The following SRGAP2 variants were observed in gnomAD, a reference collection of about 807,000 sequenced individuals.
SRGAP2 encodes SLIT-ROBO Rho GTPase activating protein 2, also known as SLIT-ROBO Rho GTPase-activating protein 2.
In SRGAP2, 15 loss-of-function variants were observed where a neutral mutation model predicts 57.2. The observed-to-expected ratio is 0.26, with a 90% CI of 0.18 to 0.40. The LOEUF (loss-of-function observed/expected upper bound fraction) is 0.40, where lower values mean the gene tolerates loss of function less well. Ranked by LOEUF, SRGAP2 falls within the 10% of genes least tolerant of loss-of-function variation. The pLI is 1.00. For synonymous variants in SRGAP2, 249 were observed against 248.0 expected (o/e 1.00, Z -0.04); for missense variants, 520 against 669.6 (o/e 0.78, Z 2.47).
chr1:206,232,081 C>T (rs1370576145), intron 2 of SRGAP2, among the ~76,000 whole-genome samples: 12 of 151,444 alleles, frequency 7.9e-5, no homozygotes. Context: ...GAAGAGTCCA[C>T]AGCTTCAGAA....
At chr1:206,440,555 T>C (rs79532710) in intron 17 of SRGAP2, among the ~76,000 whole-genome samples, 1 of 148,412 alleles carries the variant, frequency 6.7e-6, no homozygotes, top group African/African-American at 2.5e-5. Context: ...AAGATTTTCT[T>C]TTTTTTTTTT....
At position 206,286,307 on chromosome 1, in the gene SRGAP2, A is replaced by G. The variant is rs1440365587; in HGVS notation, c.68-16974A>G. 3.3e-5 allele frequency among the ~76,000 whole-genome samples: 5 copies of G among 152,210 alleles called. No homozygotes were observed. The East Asian group carries it at 9.6e-4, about 29-fold the overall frequency. On this transcript the variant is annotated intron_variant, in intron 2 of 22. Coordinates refer to ENST00000573034, the MANE Select transcript of SRGAP2 (RefSeq NM_015326.5). ...GACTAGATAATGCATCTCTCCTTTG[A>G]TTTTTGATGGGTTTCCTTTTTTAAT...
intron 4 of SRGAP2, among the ~76,000 whole-genome samples, chr1:206,354,992 A>G (rs1180452303): frequency 6.6e-6 from 1 of 152,186 alleles, no homozygotes; most frequent in Non-Finnish European, 1.5e-5. Flanking sequence ...TATTGTACAT[A>G]CTATTTTGTA....
chr1:206,303,886 TCTCACACACACA>T (rs1200726453), intron 3 of SRGAP2, among the ~76,000 whole-genome samples: 34 of 132,984 alleles, frequency 2.6e-4, no homozygotes, highest in African/African-American at 1.0e-3. Flanking sequence ...TCTCTCTCTC[TCTCACACACACA>T]CACACACACA....
chr1:206,421,141 A>T, intron 12 of SRGAP2, 109 bp from the exon 13 acceptor site: 1 of 579,218 alleles, frequency 1.7e-6, no homozygotes, highest in Non-Finnish European at 3.2e-6. Context: ...ATTATTAAAA[A>T]CTTTACTTCT....
chr1:206,332,715 T>C (rs1553332296), intron 3 of SRGAP2, among the ~76,000 whole-genome samples: 1 of 147,804 alleles, frequency 6.8e-6, no homozygotes, highest in Non-Finnish European at 1.5e-5. Context: ...TTCTTCTAAA[T>C]TTTTTTCAAA....
intron 4 of SRGAP2, among the ~76,000 whole-genome samples, chr1:206,370,266 A>T (rs1190583470): frequency 6.6e-6 from 1 of 151,300 alleles, no homozygotes; most frequent in Non-Finnish European, 1.5e-5. Context: ...ACTCCATCTC[A>T]AAATAAATAA....
intron 4 of SRGAP2, among the ~76,000 whole-genome samples, chr1:206,378,449 T>C (rs1490927691): frequency 9.9e-5 from 15 of 152,172 alleles, no homozygotes; most frequent in Non-Finnish European, 1.5e-4. Flanking sequence ...ATCAGGCCAC[T>C]GCATTCTAGC....
Position 206,461,180 on chromosome 1 carries a change from C to T in SRGAP2, c.2976C>T (p.Pro992=), listed in dbSNP as rs369820346. 73 of 780,526 alleles carry T rather than the reference C, an allele frequency of 9.4e-5. No homozygotes were observed. Among genetic ancestry groups the T allele is most frequent in the Non-Finnish European group, 1.4e-4 (58 of 417,882 alleles). 48.4% of individuals were successfully genotyped at this position (780,526 alleles called of 1,614,324 possible). ...CAGTGGTGGCCCCCACGTCAGAGCC[C>T]TCCAGCCCTCTGCACACCCAGCTCC... ...TSPVVAPTSE[P]SSPLHTQLLK... Residue 992 remains proline, a synonymous_variant, in exon 23 of 23, where the codon CCC becomes CCT. Transcript: ENST00000573034.
chr1:206,354,782 T>C (rs1476970723), intron 4 of SRGAP2, among the ~76,000 whole-genome samples: 4 of 130,430 alleles, frequency 3.1e-5, no homozygotes, highest in East Asian at 2.4e-4. Context: ...TCTCTCTCCC[T>C]CCCCCCCTTC....
At chr1:206,324,981 TTTATCTATGCAAA>T (rs1673764322) in intron 3 of SRGAP2, among the ~76,000 whole-genome samples, 1 of 149,838 alleles carries the variant, frequency 6.7e-6, no homozygotes. Context: ...ACATGCTGGA[TTTATCTATGCAAA>T]TTATAATGTT....
intron 2 of SRGAP2, among the ~76,000 whole-genome samples, chr1:206,208,464 G>A (rs1180508470): frequency 6.6e-6 from 1 of 151,740 alleles, no homozygotes. Flanking sequence ...CCCTTCCAAG[G>A]TCACACAGCC....
At chr1:206,234,625 A>G (rs1332201382) in intron 2 of SRGAP2, among the ~76,000 whole-genome samples, 1 of 152,236 alleles carries the variant, frequency 6.6e-6, no homozygotes, top group Non-Finnish European at 1.5e-5. Flanking sequence ...ACAGTGCTGC[A>G]TGGCTGACTC....
At position 206,277,165 on chromosome 1, in the gene SRGAP2, A is replaced by G. The variant is rs1377723113; in HGVS notation, c.68-26116A>G. ...TTTTTAGTAGAGACGAGATTTCTCC[A>G]TGTTGTTCAGGCCATCTATCACTCT... On this transcript the variant is annotated intron_variant, in intron 2 of 22. Coordinates refer to ENST00000573034, the MANE Select transcript of SRGAP2 (RefSeq NM_015326.5). Among the ~76,000 whole-genome samples, 1,229 of 147,904 alleles carry G rather than the reference A, an allele frequency of 8.3e-3. 6 individuals carry two copies. Among genetic ancestry groups the G allele is most frequent in the South Asian group, 0.014 (65 of 4,594 alleles).
intron 20 of SRGAP2, chr1:206,453,757 CT>C (rs1553377119): frequency 7.7e-6 from 2 of 258,650 alleles, no homozygotes; most frequent in African/African-American, 4.4e-5. Flanking sequence ...TTTTGTTACT[CT>C]CTTTTTTTTT....
chr1:206,417,803 G>A (rs1659870774), intron 11 of SRGAP2, among the ~76,000 whole-genome samples: 1 of 152,066 alleles, frequency 6.6e-6, no homozygotes, highest in South Asian at 2.1e-4. Flanking sequence ...ACCACCGAAA[G>A]GACTCAGACT....
intron 3 of SRGAP2, among the ~76,000 whole-genome samples, chr1:206,311,712 TG>T (rs1439759341): frequency 6.6e-6 from 1 of 150,974 alleles, no homozygotes; most frequent in Non-Finnish European, 1.5e-5. Context: ...TCTGTAAGCA[TG>T]GGGGACCATT....
At position 206,307,912 on chromosome 1, in the gene SRGAP2, G is replaced by A. The variant is rs1170894249; in HGVS notation, c.260+4439G>A. On this transcript the variant is annotated intron_variant, in intron 3 of 22. Transcript: ENST00000573034. The stretch of plus-strand genomic sequence containing the variant: ...AGAAAGGGGCTCCCACAGTGCAGGG[G>A]GGGGTGCTGAAGGGCTCCTCGAATT... 2.2e-3 allele frequency among the ~76,000 whole-genome samples: 341 copies of A among 152,354 alleles called. 2 individuals carry two copies. The highest frequency in any genetic ancestry group is 7.4e-3 in the African/African-American group (307 of 41,592).
At chr1:206,416,312 G>C (rs1659698276) in intron 11 of SRGAP2, among the ~76,000 whole-genome samples, 1 of 152,202 alleles carries the variant, frequency 6.6e-6, no homozygotes, top group South Asian at 2.1e-4. Context: ...AAAACTCCTA[G>C]CTCCTCTGAG....
Sources: gnomAD v4.1 joint callset for allele counts (sites outside exome capture counted in the v4.1 genomes callset) on GRCh38, gnomAD v4.1.1 for gene constraint, MANE v1.5 for transcripts, NCBI Gene and HGNC (gene_info 2026-07-23, HGNC 2026-07-21) for gene names.